The following CPED1 variants were observed in gnomAD, a reference collection of about 807,000 sequenced individuals.
CPED1 encodes cadherin like and PC-esterase domain containing 1.
A neutral mutation model predicts 128.2 loss-of-function variants in CPED1; 114 were observed. The ratio of observed to expected loss-of-function variants is 0.89; its 90% CI spans 0.76 to 1.04. The LOEUF is 1.04. CPED1 is among the 50% of genes least tolerant of loss of function. CPED1 has a pLI of 0.00. For synonymous variants in CPED1, 462 were observed against 426.7 expected (o/e 1.08, Z -1.02); for missense variants, 1,211 against 1,207.1 (o/e 1.00, Z -0.05).
chr7:121,010,206 A>C (rs1347375985), intron 2 of CPED1, among the ~76,000 whole-genome samples: 1 of 152,080 alleles, frequency 6.6e-6, no homozygotes, highest in African/African-American at 2.4e-5. Context: ...TGCCTGTTTA[A>C]GTGGGTGCTA....
chr7:121,088,763 CAAAAAAAAA>C (rs71170226), intron 5 of CPED1, among the ~76,000 whole-genome samples: 22 of 53,810 alleles, frequency 4.1e-4, no homozygotes, highest in East Asian at 2.1e-3. Flanking sequence ...CAAAAATTGG[CAAAAAAAAA>C]AAAAAAAAAA....
Position 121,103,619 on chromosome 7 carries a change from G to A in CPED1, c.918+3525G>A, listed in dbSNP as rs139424016. Among the ~76,000 whole-genome samples the A allele has an allele frequency of 9.9e-4, 150 of 152,122 alleles. 1 individual carries two copies. The highest frequency in any genetic ancestry group is 3.4e-3 in the African/African-American group (142 of 41,518). On this transcript the variant is annotated intron_variant, in intron 7 of 22. Transcript: ENST00000310396. ...CAAACCCACTTTAAAAACTACCCAC[G>A]CTATACCAGCATGTTATTAAACACT...
At position 121,187,625 on chromosome 7, in the gene CPED1, A is replaced by T. The variant is rs573379345; in HGVS notation, c.2055+45484A>T. On this transcript the variant is annotated intron_variant, in intron 16 of 22. Coordinates refer to ENST00000310396, the MANE Select transcript of CPED1 (RefSeq NM_024913.5). Reference sequence around the variant, plus strand: ...TGCATCAAGCAGTTTAGCCAAGAGCAGTAAACACACAAGAGCAGTAAACAC... The same window carrying T: ...TGCATCAAGCAGTTTAGCCAAGAGCTGTAAACACACAAGAGCAGTAAACAC... Among the ~76,000 whole-genome samples, 43 of 152,286 alleles carry T rather than the reference A, an allele frequency of 2.8e-4. No individual in the cohort carries two copies. The South Asian group carries it at 8.5e-3, about 30-fold the overall frequency.
chr7:121,043,255 G>GA (rs1385391610), intron 3 of CPED1, among the ~76,000 whole-genome samples: 1 of 151,628 alleles, frequency 6.6e-6, no homozygotes, highest in Non-Finnish European at 1.5e-5. Flanking sequence ...GAGATGGAAG[G>GA]AAAAAAAAGA....
intron 7 of CPED1, among the ~76,000 whole-genome samples, chr7:121,105,147 A>T (rs1019164836): frequency 2.0e-5 from 3 of 152,110 alleles, no homozygotes; most frequent in African/African-American, 7.2e-5. Flanking sequence ...AGGGCAGAGG[A>T]GAACTGTGGC....
rs1285632564 is a variant in CPED1 at position 121,125,822 on chromosome 7, G to A, written c.1064G>A (p.Cys355Tyr). Residue 355 changes from cysteine to tyrosine, a missense_variant and splice_region_variant, in exon 9 of 23, where the codon TGC (cysteine) becomes TAC (tyrosine). By Grantham distance (194) the Cys-to-Tyr change is radical. Transcript: ENST00000310396. ...GGTACCTTGTGTTTTCATTTTAGAT[G>A]CAGATTCTGCTTTCAACTTCTAACT... ...STLGPKTFHR[C>Y]RFCFQLLTFD... 1.2e-6 allele frequency: 2 copies of A among 1,609,826 alleles called. No homozygotes were observed. The highest frequency in any genetic ancestry group is 3.3e-5 in the Admixed American group (2 of 59,922).
intron 2 of CPED1, among the ~76,000 whole-genome samples, chr7:121,007,231 ATTTTTTT>A (rs398006038): frequency 6.9e-5 from 9 of 129,818 alleles, no homozygotes; most frequent in African/African-American, 2.0e-4. Context: ...TTCAGGTTGC[ATTTTTTT>A]TTTTTTTTTT....
chr7:121,129,304 T>TAC (rs1563037507), intron 11 of CPED1, among the ~76,000 whole-genome samples: 1 of 4,002 alleles, frequency 2.5e-4, no homozygotes, highest in Admixed American at 0.012. Context: ...TATATATATA[T>TAC]ATATATACGT....
At chr7:121,253,105 A>T (rs1386499444) in intron 18 of CPED1, among the ~76,000 whole-genome samples, 3 of 152,096 alleles carry the variant, frequency 2.0e-5, no homozygotes, top group African/African-American at 7.2e-5. Flanking sequence ...AATGTGGCAC[A>T]TATACACCAT....
intron 2 of CPED1, among the ~76,000 whole-genome samples, chr7:120,999,760 G>A (rs925048633): frequency 1.3e-5 from 2 of 152,086 alleles, no homozygotes; most frequent in African/African-American, 4.8e-5. Flanking sequence ...GTTGATTAGA[G>A]CGATGTTAAA....
At chr7:121,284,764 T>A (rs1259354499) in intron 22 of CPED1, among the ~76,000 whole-genome samples, 2 of 152,220 alleles carry the variant, frequency 1.3e-5, no homozygotes, top group Admixed American at 1.3e-4. Context: ...GCAGCTCCCC[T>A]GTGGCTTTGC....
intron 6 of CPED1, among the ~76,000 whole-genome samples, chr7:121,098,793 A>T (rs1167267188): frequency 7.2e-5 from 9 of 124,454 alleles, no homozygotes; most frequent in African/African-American, 1.9e-4. Context: ...AATATATAAA[A>T]ATATATATAA....
intron 16 of CPED1, among the ~76,000 whole-genome samples, chr7:121,226,406 A>G (rs1163630140): frequency 6.6e-6 from 1 of 152,036 alleles, no homozygotes; most frequent in African/African-American, 2.4e-5. Flanking sequence ...CTTGGAATGG[A>G]TGTCCTCCAC....
chr7:121,197,620 G>A (rs951216770), intron 16 of CPED1, among the ~76,000 whole-genome samples: 1 of 152,062 alleles, frequency 6.6e-6, no homozygotes, highest in Non-Finnish European at 1.5e-5. Context: ...TCGAGTGTGT[G>A]TATATGGGTG....
In CPED1 at chr7:121,114,140, C is replaced by CT. The variant is rs1258825292; in HGVS notation, c.919-10187dup. ...CCACCACGCCCGGCCTTATTTGAAA[C>CT]TTTTAAGAAACCCAGGAGATAGATT... On this transcript the variant is annotated intron_variant, in intron 7 of 22. Coordinates refer to ENST00000310396, the MANE Select transcript of CPED1 (RefSeq NM_024913.5). Among the ~76,000 whole-genome samples, 5 of 152,058 alleles carry CT rather than the reference C, an allele frequency of 3.3e-5. No homozygotes were observed. In the South Asian group the frequency reaches 6.2e-4, roughly 19 times the overall value.
In CPED1 at chr7:121,001,200, T is replaced by C. The variant is rs78317969; in HGVS notation, c.249+11330T>C. Among the ~76,000 whole-genome samples the C allele has an allele frequency of 8.1e-4, 124 of 152,288 alleles. 2 individuals carry two copies. The East Asian group carries it at 0.022, about 27-fold the overall frequency. On this transcript the variant is annotated intron_variant, in intron 2 of 22. Coordinates refer to ENST00000310396, the MANE Select transcript of CPED1 (RefSeq NM_024913.5). ...CTATAGATACAGTCAAATGCAAGCA[T>C]ATTCCACGGGGTTTCCAGGGATGTG... is the stretch of plus-strand genomic sequence containing the variant.
intron 16 of CPED1, among the ~76,000 whole-genome samples, chr7:121,182,331 G>A (rs991562485): frequency 4.8e-4 from 72 of 151,424 alleles, no homozygotes; most frequent in African/African-American, 1.6e-3. Flanking sequence ...AAACAGACTA[G>A]CTCTTAGCAA....
intron 2 of CPED1, among the ~76,000 whole-genome samples, chr7:121,014,407 C>T (rs893430108): frequency 2.6e-4 from 40 of 151,842 alleles, no homozygotes; most frequent in African/African-American, 8.9e-4. Flanking sequence ...AAAAATTAGC[C>T]AGGCGTGGTG....
chr7:121,226,229 A>C (rs1798007801), intron 16 of CPED1, among the ~76,000 whole-genome samples: 1 of 152,084 alleles, frequency 6.6e-6, no homozygotes, highest in Non-Finnish European at 1.5e-5. Context: ...TTCTTCTAAC[A>C]ATCAGGTCCC....
Sources: allele counts gnomAD v4.1 joint callset (sites outside exome capture counted in the v4.1 genomes callset), GRCh38; gene constraint gnomAD v4.1.1; transcripts MANE v1.5; gene names NCBI Gene and HGNC (gene_info 2026-07-23, HGNC 2026-07-21).